Variants in GMCL1 observed in about 807,000 individuals in gnomAD.
GMCL1 encodes germ cell-less protein-like 1.
A neutral mutation model predicts 75.5 loss-of-function variants in GMCL1; 54 were observed. That is an observed-to-expected ratio of 0.71 (90% CI 0.57 to 0.90). The LOEUF (loss-of-function observed/expected upper bound fraction) is 0.90, where lower values mean the gene tolerates loss of function less well. Among genes scored for constraint, GMCL1 ranks in the 40% least tolerant of loss-of-function variants. GMCL1 has a pLI of 0.00. For synonymous variants in GMCL1, 210 were observed against 209.6 expected (o/e 1.00, Z -0.02); for missense variants, 537 against 622.7 (o/e 0.86, Z 1.47).
chr2:69,839,727 T>C (rs1674927665), intron 3 of GMCL1, among the ~76,000 whole-genome samples, 174 bp downstream of exon 3: 2 of 152,208 alleles, frequency 1.3e-5, no homozygotes, highest in South Asian at 4.1e-4. Flanking sequence ...GTCCATCTTA[T>C]CACTAATCTG....
At chr2:69,869,978 G>T in intron 12 of GMCL1, 114 bp downstream of exon 12, 1 of 989,764 alleles carries the variant, frequency 1.0e-6, no homozygotes, top group Non-Finnish European at 1.4e-6. Context: ...CAGTATATGT[G>T]GAAGTGGTAG....
chr2:69,841,086 GTC>G (rs766957710), intron 4 of GMCL1, 47 bp downstream of exon 4: 11 of 1,361,228 alleles, frequency 8.1e-6, no homozygotes, highest in Non-Finnish European at 1.1e-5. Context: ...AATAATCTTT[GTC>G]TCAAAGTGTG....
chr2:69,834,456 G>C (rs139657371), intron 1 of GMCL1, among the ~76,000 whole-genome samples: 2 of 152,140 alleles, frequency 1.3e-5, no homozygotes, highest in Non-Finnish European at 2.9e-5. Flanking sequence ...TAATTTGTGC[G>C]TATCTAAATA....
chr2:69,848,682 T>C (rs1413692058), intron 7 of GMCL1, among the ~76,000 whole-genome samples: 5 of 152,360 alleles, frequency 3.3e-5, no homozygotes, highest in African/African-American at 1.2e-4. Context: ...ATTTCTGTTA[T>C]TAAAACTGCT....
chr2:69,869,703 C>G lies in GMCL1; in HGVS notation c.1219-16C>G, dbSNP rs1675928381. The G allele has an allele frequency of 6.2e-7, 1 of 1,610,854 alleles. No individual in the cohort carries two copies. Among genetic ancestry groups the G allele is most frequent in the Non-Finnish European group, 8.5e-7 (1 of 1,178,462 alleles). ...TATGATAAACTGAAATAAGTCTTCTCTCTTGTATTTTTTAGTACTGCTGGC... is the reference window on the plus strand; with the variant it reads ...TATGATAAACTGAAATAAGTCTTCTGTCTTGTATTTTTTAGTACTGCTGGC... On this transcript the variant is annotated splice_polypyrimidine_tract_variant and intron_variant, in intron 11 of 13. Coordinates refer to ENST00000282570, the MANE Select transcript of GMCL1 (RefSeq NM_178439.5).
At chr2:69,861,579 A>C (rs959584721) in intron 10 of GMCL1, among the ~76,000 whole-genome samples, 20 of 152,200 alleles carry the variant, frequency 1.3e-4, no homozygotes, top group Non-Finnish European at 2.2e-4. Context: ...TTATTAGTAA[A>C]ATTGAACATG....
chr2:69,846,152 G>A (rs1675134431), intron 6 of GMCL1, among the ~76,000 whole-genome samples: 2 of 151,732 alleles, frequency 1.3e-5, no homozygotes, highest in Admixed American at 6.6e-5. Context: ...GAGATAATTT[G>A]GTAGAGAAGT....
chr2:69,833,144 T>C (rs1573337610), intron 1 of GMCL1, among the ~76,000 whole-genome samples: 1 of 152,302 alleles, frequency 6.6e-6, no homozygotes, highest in South Asian at 2.1e-4. Flanking sequence ...GCTAAAGATA[T>C]TTACTATCTA....
intron 12 of GMCL1, among the ~76,000 whole-genome samples, chr2:69,871,134 A>G (rs761336932): frequency 2.6e-5 from 4 of 151,680 alleles, no homozygotes; most frequent in Non-Finnish European, 4.4e-5. Context: ...ATGTTCACTG[A>G]CAGATGCTAG....
At chr2:69,835,404 T>C (rs979376199) in intron 1 of GMCL1, among the ~76,000 whole-genome samples, 4 of 152,062 alleles carry the variant, frequency 2.6e-5, no homozygotes, top group Non-Finnish European at 5.9e-5. Context: ...CCCTGAATTA[T>C]ATGTTTCCAG....
chr2:69,832,729 G>T (rs570112018), intron 1 of GMCL1, among the ~76,000 whole-genome samples: 2 of 152,258 alleles, frequency 1.3e-5, no homozygotes, highest in South Asian at 2.1e-4. Flanking sequence ...TTAGTAGTTA[G>T]ACCACTTATA....
chr2:69,848,103 C>T (rs1222583557), intron 7 of GMCL1, among the ~76,000 whole-genome samples: 1 of 152,130 alleles, frequency 6.6e-6, no homozygotes. Context: ...ATTTTCACAA[C>T]TCTTTGAAGA....
chr2:69,854,814 T>G lies in GMCL1; in HGVS notation c.935-9T>G. ...AGAATGGCTGTTTAACTTACATGGT[T>G]TTTTATAGATTTTGAAGGTATGGCC... is the stretch of plus-strand genomic sequence containing the variant. On this transcript the variant is annotated splice_polypyrimidine_tract_variant and intron_variant, in intron 8 of 13. Transcript: ENST00000282570. 6.3e-7 allele frequency: 1 copy of G among 1,599,678 alleles called. No individual in the cohort carries two copies. The highest frequency in any genetic ancestry group is 8.5e-7 in the Non-Finnish European group (1 of 1,175,686).
chr2:69,860,849 G>C (rs966016721), intron 9 of GMCL1, among the ~76,000 whole-genome samples: 2 of 152,074 alleles, frequency 1.3e-5, no homozygotes, highest in African/African-American at 4.8e-5. Flanking sequence ...TTGTCTGTCT[G>C]TTTGATTGTT....
chr2:69,864,135 A>T (rs976008818), intron 10 of GMCL1, among the ~76,000 whole-genome samples: 1 of 152,038 alleles, frequency 6.6e-6, no homozygotes, highest in Non-Finnish European at 1.5e-5. Flanking sequence ...TTCCCTACTG[A>T]ACTGAGCTCT....
intron 11 of GMCL1, among the ~76,000 whole-genome samples, chr2:69,866,444 AT>A (rs1053967300): frequency 1.3e-5 from 2 of 151,930 alleles, no homozygotes; most frequent in African/African-American, 4.8e-5. Context: ...TTTATTTTTA[AT>A]TTTTAAAAGT....
chr2:69,837,918 T>C lies in GMCL1; in HGVS notation c.384+248T>C, dbSNP rs796774214. 3.3e-5 allele frequency among the ~76,000 whole-genome samples: 5 copies of C among 152,328 alleles called. No individual in the cohort carries two copies. The South Asian group carries it at 6.2e-4, about 19-fold the overall frequency. On this transcript the variant is annotated intron_variant, in intron 2 of 13. Transcript: ENST00000282570. ...ATTTGTCATTACTTCATAAAATGCT[T>C]TTTTCGGTGCCTTCTGTTGATAAAA...
chr2:69,837,612 A>T lies in GMCL1; in HGVS notation c.326A>T (p.Asp109Val). 2 of 1,606,564 alleles carry T rather than the reference A, an allele frequency of 1.2e-6. No homozygotes were observed. The highest frequency in any genetic ancestry group is 2.7e-5 in the African/African-American group (2 of 74,656). ...QTLFLNGENSDIKICALGEEW... is the reference protein window; with the variant it reads ...QTLFLNGENSVIKICALGEEW... ...TTATTTTTGAATGGTGAAAACAGTG[A>T]CATTAAGATTTGTGCTCTAGGAGAA... Residue 109 changes from aspartate to valine, a missense_variant, in exon 2 of 14, where the codon GAC becomes GTC. Asp to Val is a radical substitution (Grantham distance 152, BLOSUM62 -3). Coordinates refer to ENST00000282570, the MANE Select transcript of GMCL1 (RefSeq NM_178439.5).
chr2:69,839,473 G>A lies in GMCL1; in HGVS notation c.401G>A (p.Ser134Asn), dbSNP rs1286071444. The change falls in exon 3 of 14, where the codon AGT becomes AAT. Residue 134 changes from serine to asparagine, a missense_variant. By Grantham distance (46) the Ser-to-Asn change is conservative. This residue lies in a region of GMCL1 where 48 missense variants were observed against 85.0 expected (regional missense o/e 0.56). Coordinates refer to ENST00000282570, the MANE Select transcript of GMCL1 (RefSeq NM_178439.5). ...IYLCQSGYFS[S>N]MFSGSWKESS... is the part of the protein sequence containing the mutation. Reference sequence around the variant, plus strand: ...TTGTTTAAGTCTGGCTACTTTTCTAGTATGTTCAGTGGTTCTTGGAAAGAA... The same window carrying A: ...TTGTTTAAGTCTGGCTACTTTTCTAATATGTTCAGTGGTTCTTGGAAAGAA... 4 of 1,591,914 alleles carry A rather than the reference G, an allele frequency of 2.5e-6. No homozygotes were observed. Among genetic ancestry groups the A allele is most frequent in the African/African-American group, 2.7e-5 (2 of 74,330 alleles).
Sources: gnomAD v4.1 joint callset for allele counts (sites outside exome capture counted in the v4.1 genomes callset) on GRCh38, gnomAD v4.1.1 for gene constraint, gnomAD v4.1.1 regional missense constraint, MANE v1.5 for transcripts, NCBI Gene and HGNC (gene_info 2026-07-23, HGNC 2026-07-21) for gene names.